The following SH3PXD2B variants were observed in gnomAD, a reference collection of about 807,000 sequenced individuals.
SH3PXD2B encodes the protein SH3 and PX domain-containing protein 2B.
In SH3PXD2B, 37 loss-of-function variants were observed where a neutral mutation model predicts 73.1. That is an observed-to-expected ratio of 0.51 (90% CI 0.39 to 0.67). SH3PXD2B has a LOEUF of 0.67. Among genes scored for constraint, SH3PXD2B ranks in the 30% least tolerant of loss-of-function variants. SH3PXD2B has a pLI of 0.00. For synonymous variants in SH3PXD2B, 457 were observed against 480.5 expected (o/e 0.95, Z 0.64); for missense variants, 1,053 against 1,197.8 (o/e 0.88, Z 1.78).
chr5:172,358,673 G>A (rs1428150057), intron 8 of SH3PXD2B, 100 bp downstream of exon 8: 7 of 1,089,364 alleles, frequency 6.4e-6, no homozygotes, highest in Admixed American at 2.0e-5. Context: ...GAGACGCAGA[G>A]GCAGAGGCCA....
rs1360974466 is a variant in SH3PXD2B at position 172,334,264 on chromosome 5, G to A, written c.*4105C>T. 9.7e-7 allele frequency: 1 copy of A among 1,032,206 alleles called. No individual in the cohort carries two copies. The highest frequency in any genetic ancestry group is 1.1e-4 in the East Asian group (1 of 9,204). The allele number at this position is 1,032,206 out of a possible 1,614,324, so 63.9% of individuals were successfully genotyped here. ...GAAAGGTGCTCTGAAGGAGGTCCAT[G>A]AGCAGGCAAGGACTGTGGAGCCTCC... On this transcript the variant is annotated 3_prime_UTR_variant, in exon 13 of 13. Coordinates refer to ENST00000311601, the MANE Select transcript of SH3PXD2B (RefSeq NM_001017995.3).
intron 4 of SH3PXD2B, among the ~76,000 whole-genome samples, chr5:172,387,621 G>T (rs905810969): frequency 3.9e-5 from 6 of 152,164 alleles, no homozygotes; most frequent in Non-Finnish European, 7.3e-5. Context: ...CATCTGCCTT[G>T]AGGAATCATT....
At chr5:172,368,596 T>TTATATA (rs560505606) in intron 6 of SH3PXD2B, among the ~76,000 whole-genome samples, 1 of 10,826 alleles carries the variant, frequency 9.2e-5, no homozygotes, top group African/African-American at 7.2e-4. Flanking sequence ...ATAAAATATG[T>TTATATA]TATATATATA....
chr5:172,339,031 G>T lies in SH3PXD2B; in HGVS notation c.2074C>A (p.Gln692Lys). The T allele has an allele frequency of 6.2e-7, 1 of 1,614,158 alleles. No individual in the cohort carries two copies. Among genetic ancestry groups the T allele is most frequent in the South Asian group, 1.1e-5 (1 of 91,088 alleles). ...AAGCTTCGGCTGAAGGCCACGTCTT[G>T]GCCCCCTACTGCCTGGGGGCCCTCC... is the stretch of plus-strand genomic sequence containing the variant. The part of the protein sequence containing the change: ...DGEGPQAVGG[Q>K]DVAFSRSFLP... Residue 692 changes from glutamine (Q) to lysine (K), a missense_variant, in exon 13 of 13, where the codon CAA (glutamine) becomes AAA (lysine). Physicochemically the swap from Gln to Lys is moderately conservative, Grantham distance 53. Around this residue, in one of 2 missense-constraint regions of SH3PXD2B, gnomAD observed 587 missense variants for 590.7 expected, o/e 0.99. Coordinates refer to ENST00000311601, the MANE Select transcript of SH3PXD2B (RefSeq NM_001017995.3). The surrounding 1 kb of genome is among the most constrained non-coding windows in gnomAD (Gnocchi z 6.1).
rs1490294953 is a variant in SH3PXD2B at position 172,445,601 on chromosome 5, A to C, written c.75+8677T>G. 6.6e-6 allele frequency among the ~76,000 whole-genome samples: 1 copy of C among 152,210 alleles called. No homozygotes were observed. The highest frequency in any genetic ancestry group is 2.4e-5 in the African/African-American group (1 of 41,452). On this transcript the variant is annotated intron_variant, in intron 1 of 12. Coordinates refer to ENST00000311601, the MANE Select transcript of SH3PXD2B (RefSeq NM_001017995.3). The surrounding 1 kb of genome is among the most constrained non-coding windows in gnomAD (Gnocchi z 5.2). The stretch of plus-strand genomic sequence containing the variant: ...AGATAAAGAATAGGATGACCAGTAA[A>C]ATCTGAATTTCGGATAAACAACAAA...
chr5:172,394,622 G>A lies in SH3PXD2B; in HGVS notation c.250C>T (p.Arg84Ter), dbSNP rs61755907. 2 of 1,613,960 alleles carry A rather than the reference G, an allele frequency of 1.2e-6. No homozygotes were observed. Among genetic ancestry groups the A allele is most frequent in the African/African-American group, 1.3e-5 (1 of 74,918 alleles). Residue 84 changes from arginine to a stop codon, truncating the protein, a stop_gained, in exon 4 of 13, where the codon CGA becomes TGA. Coordinates refer to ENST00000311601, the MANE Select transcript of SH3PXD2B (RefSeq NM_001017995.3). LOFTEE classifies it high-confidence loss of function. ...PFLPGKILFR[R>*]SHIRDVAVKR... ...ACAGCCACGTCCCGGATGTGGCTTC[G>A]TCTGAAGAGAATCTTACCTGCAGAA...
chr5:172,334,172 C>G lies in SH3PXD2B; in HGVS notation c.*4197G>C. 1 of 1,103,696 alleles carries G rather than the reference C, an allele frequency of 9.1e-7. No individual in the cohort carries two copies. The highest frequency in any genetic ancestry group is 1.1e-6 in the Non-Finnish European group (1 of 903,588). 68.4% of individuals were successfully genotyped at this position (1,103,696 alleles called of 1,614,324 possible). A position where few individuals can be genotyped will look rare whatever the true frequency, so the allele number is the denominator to read the frequency against. On this transcript the variant is annotated 3_prime_UTR_variant, in exon 13 of 13. Transcript: ENST00000311601. ...GAATGTTGAAACATGAGGAGGAGCT[C>G]GATAACTTGGCAGAATAGCACCAGA...
intron 3 of SH3PXD2B, among the ~76,000 whole-genome samples, chr5:172,405,145 G>A (rs1194147929): frequency 1.3e-5 from 2 of 152,246 alleles, no homozygotes; most frequent in African/African-American, 2.4e-5. Flanking sequence ...AGAATTTGGA[G>A]GGATGGAGAC....
At chr5:172,352,326 G>C (rs1302946385) in intron 9 of SH3PXD2B, among the ~76,000 whole-genome samples, 1 of 152,220 alleles carries the variant, frequency 6.6e-6, no homozygotes, top group Non-Finnish European at 1.5e-5. Context: ...TTGGGCTCGA[G>C]TGATCCTCCT....
chr5:172,447,131 TA>T (rs1251904994), intron 1 of SH3PXD2B, among the ~76,000 whole-genome samples: 1 of 151,488 alleles, frequency 6.6e-6, no homozygotes, highest in African/African-American at 2.4e-5. Flanking sequence ...TTATTTTTAC[TA>T]AAAACAAGAA....
Position 172,333,919 on chromosome 5 carries a change from A to G in SH3PXD2B, c.*4450T>C. On this transcript the variant is annotated 3_prime_UTR_variant, in exon 13 of 13. Coordinates refer to ENST00000311601, the MANE Select transcript of SH3PXD2B (RefSeq NM_001017995.3). Reference sequence around the variant, plus strand: ...CACGGGCACAAAGGCATACATGGGCACACACTGGGGTAAAATGTGGACACC... The same window carrying G: ...CACGGGCACAAAGGCATACATGGGCGCACACTGGGGTAAAATGTGGACACC... 1 of 1,258,618 alleles carries G rather than the reference A, an allele frequency of 7.9e-7. No individual in the cohort carries two copies. Among genetic ancestry groups the G allele is most frequent in the Non-Finnish European group, 1.0e-6 (1 of 979,912 alleles). The allele number at this position is 1,258,618 out of a possible 1,614,324, so 78.0% of individuals were successfully genotyped here. A position where few individuals can be genotyped will look rare whatever the true frequency, so the allele number is the denominator to read the frequency against.
intron 12 of SH3PXD2B, among the ~76,000 whole-genome samples, chr5:172,343,538 C>T (rs755056374): frequency 1.3e-5 from 2 of 152,148 alleles, no homozygotes; most frequent in Non-Finnish European, 2.9e-5. Context: ...CGGTGGCTCA[C>T]GCCTGCAATT....
Position 172,334,708 on chromosome 5 carries a change from T to A in SH3PXD2B, c.*3661A>T. On this transcript the variant is annotated 3_prime_UTR_variant, in exon 13 of 13. Coordinates refer to ENST00000311601, the MANE Select transcript of SH3PXD2B (RefSeq NM_001017995.3). The stretch of plus-strand genomic sequence containing the variant: ...CCAGCTACTGGAAGGCAGGAGCAGT[T>A]TCTTCTTTTTCCCACTCTGTGCTGG... The A allele has an allele frequency of 1.0e-6, 1 of 985,512 alleles. No homozygotes were observed. The highest frequency in any genetic ancestry group is 1.2e-6 in the Non-Finnish European group (1 of 829,992). The allele number at this position is 985,512 out of a possible 1,614,324, so 61.0% of individuals were successfully genotyped here.
At chr5:172,359,003 T>TAAAA in intron 7 of SH3PXD2B, 126 bp from the exon 8 acceptor site, 2 of 896,502 alleles carry the variant, frequency 2.2e-6, no homozygotes, top group Non-Finnish European at 3.6e-6. Flanking sequence ...TACCATTTTA[T>TAAAA]TGGTAGAACA....
Position 172,422,598 on chromosome 5 carries a change from T to G in SH3PXD2B, c.76-102A>C, listed in dbSNP as rs1483156417. On this transcript the variant is annotated intron_variant, in intron 1 of 12. Transcript: ENST00000311601. The stretch of plus-strand genomic sequence containing the variant: ...AGACTCAGAGTCAGAAAGACGTGGG[T>G]TTCAGCCTTAGCTCTGCCAATGACT... 2.7e-6 allele frequency: 3 copies of G among 1,129,280 alleles called. No individual in the cohort carries two copies. In the African/African-American group the frequency reaches 4.6e-5, roughly 17 times the overall value. The allele number at this position is 1,129,280 out of a possible 1,614,324, so 70.0% of individuals were successfully genotyped here. A position where few individuals can be genotyped will look rare whatever the true frequency, so the allele number is the denominator to read the frequency against.
intron 3 of SH3PXD2B, among the ~76,000 whole-genome samples, chr5:172,405,748 G>A (rs1199308689): frequency 6.6e-6 from 1 of 152,212 alleles, no homozygotes; most frequent in East Asian, 1.9e-4. Flanking sequence ...ACAGACCTGT[G>A]AGGTAACACA....
At chr5:172,329,826 T>C (rs181939788), downstream of SH3PXD2B, among the ~76,000 whole-genome samples, 17 of 152,308 alleles carry the variant, frequency 1.1e-4, no homozygotes, top group East Asian at 2.9e-3. Flanking sequence ...CGTAAGCCAC[T>C]GTGCCCGGCC....
intron 10 of SH3PXD2B, among the ~76,000 whole-genome samples, chr5:172,349,237 T>C (rs893985650): frequency 6.6e-6 from 1 of 152,220 alleles, no homozygotes; most frequent in Non-Finnish European, 1.5e-5. Context: ...AGAAGTTCAC[T>C]GCCACTTAAA....
chr5:172,342,184 C>T (rs1395135151), intron 12 of SH3PXD2B, among the ~76,000 whole-genome samples: 1 of 152,146 alleles, frequency 6.6e-6, no homozygotes, highest in Non-Finnish European at 1.5e-5. Flanking sequence ...AACTGTGAGA[C>T]AATAAACTGC....
Sources: allele counts gnomAD v4.1 joint callset (sites outside exome capture counted in the v4.1 genomes callset), GRCh38; gene constraint gnomAD v4.1.1; regional missense constraint gnomAD v4.1.1; non-coding constraint Gnocchi (gnomAD v3.1); transcripts MANE v1.5; gene names NCBI Gene and HGNC (gene_info 2026-07-23, HGNC 2026-07-21).